CNTNAP2: variants seen among roughly 807,000 people sequenced by gnomAD.
CNTNAP2 encodes the protein contactin-associated protein-like 2.
CNTNAP2 carries 98 observed loss-of-function variants against 155.2 expected under a neutral mutation model. The observed-to-expected ratio is 0.63, with a 90% CI of 0.54 to 0.75. The LOEUF (loss-of-function observed/expected upper bound fraction) is 0.75. Among genes scored for constraint, CNTNAP2 ranks in the 30% least tolerant of loss-of-function variants. CNTNAP2 has a pLI of 0.00. For missense variants in CNTNAP2, 1,727 were observed against 1,688.1 expected, an observed-to-expected ratio of 1.02 and a Z score of -0.40; for synonymous variants, 651 against 631.2, an observed-to-expected ratio of 1.03 and a Z score of -0.47.
rs1554476169 is a variant in CNTNAP2 at position 148,135,973 on chromosome 7, G to GAGGAAGGAAGGAATGAAGGA, written c.2555-11505_2555-11504insTGAAGGAAGGAAGGAAGGAA. Among the ~76,000 whole-genome samples, 12 of 40,188 alleles carry GAGGAAGGAAGGAATGAAGGA rather than the reference G, an allele frequency of 3.0e-4. 1 individual carries two copies. Among genetic ancestry groups the GAGGAAGGAAGGAATGAAGGA allele is most frequent in the South Asian group, 1.3e-3 (1 of 780 alleles). 26.4% of individuals were successfully genotyped at this position (40,188 alleles called of 152,430 possible). ...AAACAAACCACATTGGGAAGAGAGG[G>GAGGAAGGAAGGAATGAAGGA]AGGAAGGAAGGAAGGAAGGAAGGAA... On this transcript the variant is annotated intron_variant, in intron 16 of 23. Coordinates refer to ENST00000361727, the MANE Select transcript of CNTNAP2 (RefSeq NM_014141.6).
intron 16 of CNTNAP2, among the ~76,000 whole-genome samples, chr7:148,138,560 C>T (rs1005433433): frequency 6.6e-6 from 1 of 152,160 alleles, no homozygotes; most frequent in South Asian, 2.1e-4. Flanking sequence ...TGAATATGGT[C>T]GGAAGAAACA....
intron 20 of CNTNAP2, among the ~76,000 whole-genome samples, chr7:148,254,691 G>T (rs905685385): frequency 1.3e-5 from 2 of 149,474 alleles, no homozygotes; most frequent in Non-Finnish European, 3.0e-5. Context: ...CAGGAGAATC[G>T]CTTGAACCCA....
chr7:147,434,911 C>A (rs889559195), intron 10 of CNTNAP2, among the ~76,000 whole-genome samples: 5 of 152,186 alleles, frequency 3.3e-5, no homozygotes, highest in African/African-American at 9.7e-5. Context: ...AACTCTCATG[C>A]CACACATCAT....
At chr7:146,454,028 A>G (rs1204784956) in intron 1 of CNTNAP2, among the ~76,000 whole-genome samples, 1 of 152,182 alleles carries the variant, frequency 6.6e-6, no homozygotes, top group Non-Finnish European at 1.5e-5. Context: ...ATTTTCAAAA[A>G]AAATAGAAGT....
intron 1 of CNTNAP2, among the ~76,000 whole-genome samples, chr7:146,177,902 C>T (rs999651663): frequency 6.6e-6 from 1 of 152,096 alleles, no homozygotes; most frequent in Non-Finnish European, 1.5e-5. Context: ...AATTTTAGAA[C>T]TAAAAGAACC....
chr7:147,502,906 G>T (rs1798844670), intron 11 of CNTNAP2, among the ~76,000 whole-genome samples: 1 of 152,076 alleles, frequency 6.6e-6, no homozygotes, highest in South Asian at 2.1e-4. Flanking sequence ...TTGAGGCAAG[G>T]ACTCTATTAT....
chr7:147,180,514 A>C (rs1802433577), intron 8 of CNTNAP2, among the ~76,000 whole-genome samples: 1 of 152,168 alleles, frequency 6.6e-6, no homozygotes, highest in Non-Finnish European at 1.5e-5. Context: ...CAAGCTTAAA[A>C]TAGAAGAAAC....
chr7:146,957,570 G>A (rs1797462819), intron 3 of CNTNAP2, among the ~76,000 whole-genome samples: 1 of 152,164 alleles, frequency 6.6e-6, no homozygotes. Flanking sequence ...CCAGGCCATA[G>A]ATGAAAAGGT....
At chr7:146,681,215 G>C (rs1400606613) in intron 1 of CNTNAP2, among the ~76,000 whole-genome samples, 3 of 151,262 alleles carry the variant, frequency 2.0e-5, no homozygotes, top group Admixed American at 1.3e-4. Context: ...CAAGTGCTAA[G>C]TCATGGCTTG....
At chr7:148,181,659 C>G (rs1162582091) in intron 18 of CNTNAP2, among the ~76,000 whole-genome samples, 1 of 148,154 alleles carries the variant, frequency 6.7e-6, no homozygotes, top group African/African-American at 2.5e-5. Context: ...CCTCCGTAAA[C>G]TGTTCTAAAT....
At chr7:147,914,017 T>C (rs1039291136) in intron 14 of CNTNAP2, among the ~76,000 whole-genome samples, 2 of 151,582 alleles carry the variant, frequency 1.3e-5, no homozygotes, top group Middle Eastern at 3.2e-3. Context: ...AAAAAAAATA[T>C]ATGTTCTAAG....
intron 1 of CNTNAP2, among the ~76,000 whole-genome samples, chr7:146,764,753 T>A (rs1317361198): frequency 6.6e-6 from 1 of 152,150 alleles, no homozygotes; most frequent in East Asian, 1.9e-4. Flanking sequence ...CATGACCGAT[T>A]TTCTAGCTAT....
intron 1 of CNTNAP2, among the ~76,000 whole-genome samples, chr7:146,741,388 T>C (rs1021067952): frequency 6.6e-6 from 1 of 152,176 alleles, no homozygotes; most frequent in Non-Finnish European, 1.5e-5. Context: ...CTGGATATTA[T>C]CATCCACAGG....
At chr7:146,321,026 A>G (rs1263307795) in intron 1 of CNTNAP2, among the ~76,000 whole-genome samples, 1 of 152,134 alleles carries the variant, frequency 6.6e-6, no homozygotes, top group South Asian at 2.1e-4. Context: ...GTTTACAAAC[A>G]GACTAACAGA....
chr7:147,161,355 C>T (rs890291722), intron 8 of CNTNAP2, among the ~76,000 whole-genome samples: 2 of 152,100 alleles, frequency 1.3e-5, no homozygotes, highest in Non-Finnish European at 2.9e-5. Context: ...TACTGTTGTT[C>T]AGCTGGCCTA....
intron 13 of CNTNAP2, among the ~76,000 whole-genome samples, chr7:147,828,749 GA>G (rs772424552): frequency 2.0e-5 from 3 of 152,062 alleles, no homozygotes; most frequent in Non-Finnish European, 4.4e-5. Flanking sequence ...CGTATTTTGT[GA>G]AAGAGTAATT....
At chr7:146,122,390 A>G (rs1797576592) in intron 1 of CNTNAP2, among the ~76,000 whole-genome samples, 1 of 152,306 alleles carries the variant, frequency 6.6e-6, no homozygotes, top group South Asian at 2.1e-4. Flanking sequence ...ATTCTTTTGT[A>G]TCAGCAATAC....
intron 12 of CNTNAP2, among the ~76,000 whole-genome samples, chr7:147,634,730 A>T (rs1464022676): frequency 6.6e-6 from 1 of 152,216 alleles, no homozygotes; most frequent in Non-Finnish European, 1.5e-5. Context: ...ATATAATTTT[A>T]TTGAAGAATA....
intron 13 of CNTNAP2, among the ~76,000 whole-genome samples, chr7:147,872,310 A>G (rs1347517241): frequency 1.3e-5 from 2 of 152,382 alleles, no homozygotes; most frequent in South Asian, 4.1e-4. Flanking sequence ...GAAGCCCACA[A>G]GCACCAATTT....
Sources: gnomAD v4.1 joint callset for allele counts (sites outside exome capture counted in the v4.1 genomes callset) on GRCh38, gnomAD v4.1.1 for gene constraint, MANE v1.5 for transcripts, NCBI Gene and HGNC (gene_info 2026-07-23, HGNC 2026-07-21) for gene names.